The following PHF20 variants were observed in gnomAD, a reference collection of about 807,000 sequenced individuals.
PHF20 encodes glioma-expressed antigen 2.
PHF20 carries 23 observed loss-of-function variants against 113.5 expected under a neutral mutation model. The observed-to-expected ratio is 0.20, with a 90% confidence interval of 0.15 to 0.29. The LOEUF is 0.29. PHF20 is among the 10% of genes least tolerant of loss of function. PHF20 has a pLI of 1.00. For missense variants in PHF20, 943 were observed against 1,219.6 expected (o/e 0.77, Z 3.38); for synonymous variants, 434 against 457.3 (o/e 0.95, Z 0.65).
At chr20:35,773,443 C>G (rs1033815940) in intron 1 of PHF20, among the ~76,000 whole-genome samples, 1 of 152,156 alleles carries the variant, frequency 6.6e-6, no homozygotes, top group Non-Finnish European at 1.5e-5. Flanking sequence ...TTGTTCAGCA[C>G]GGCACTTTTC....
chr20:35,788,959 G>C (rs987572446), intron 1 of PHF20, among the ~76,000 whole-genome samples: 2 of 152,164 alleles, frequency 1.3e-5, no homozygotes, highest in Non-Finnish European at 2.9e-5. Flanking sequence ...GGAGTTAATT[G>C]CCTCTTGGGA....
intron 2 of PHF20, among the ~76,000 whole-genome samples, chr20:35,802,665 C>T (rs1000472105): frequency 2.4e-4 from 37 of 151,912 alleles, no homozygotes; most frequent in South Asian, 2.1e-4. Flanking sequence ...TGGCTGGGCG[C>T]GGTGGCTCAC....
chr20:35,793,961 C>T (rs574956308), intron 1 of PHF20, among the ~76,000 whole-genome samples: 8 of 131,548 alleles, frequency 6.1e-5, no homozygotes, highest in East Asian at 4.6e-4. Flanking sequence ...GCACCTTGCA[C>T]GCTGGGCTGG....
intron 17 of PHF20, among the ~76,000 whole-genome samples, chr20:35,946,575 C>T (rs2056087227): frequency 6.6e-6 from 1 of 151,790 alleles, no homozygotes; most frequent in African/African-American, 2.4e-5. Flanking sequence ...TTTCAAGACC[C>T]TATAGATTTT....
At chr20:35,943,644 G>A (rs1163860230) in intron 17 of PHF20, among the ~76,000 whole-genome samples, 5 of 151,532 alleles carry the variant, frequency 3.3e-5, no homozygotes, top group South Asian at 2.1e-4. Flanking sequence ...TTTTTGAGAC[G>A]GAGTCTCGGT....
chr20:35,798,441 T>TTTTTC (rs200435871), intron 1 of PHF20, among the ~76,000 whole-genome samples: 2 of 151,810 alleles, frequency 1.3e-5, no homozygotes, highest in Non-Finnish European at 2.9e-5. Context: ...CATATGAGTT[T>TTTTTC]TTTTCTTTTC....
intron 9 of PHF20, among the ~76,000 whole-genome samples, chr20:35,876,980 G>A (rs185023948): frequency 1.1e-3 from 170 of 151,810 alleles, no homozygotes; most frequent in African/African-American, 3.9e-3. Context: ...GGTGGCTGGC[G>A]CCTGTAGTCC....
At chr20:35,914,850 G>A (rs1600927605) in intron 12 of PHF20, among the ~76,000 whole-genome samples, 1 of 151,116 alleles carries the variant, frequency 6.6e-6, no homozygotes, top group East Asian at 1.9e-4. Context: ...TGTAATCCCA[G>A]CTACTCGGGA....
chr20:35,871,944 T>C, intron 9 of PHF20, 115 bp downstream of exon 9: 1 of 684,206 alleles, frequency 1.5e-6, no homozygotes, highest in Non-Finnish European at 2.3e-6. Flanking sequence ...TTATTAATAT[T>C]CCCTTATCAT....
chr20:35,852,595 A>C (rs1474586950), intron 4 of PHF20, among the ~76,000 whole-genome samples: 1 of 151,550 alleles, frequency 6.6e-6, no homozygotes, highest in African/African-American at 2.4e-5. Flanking sequence ...TAAGGACTTC[A>C]AGAAAACTTT....
At chr20:35,791,459 ATCTATCTATCTATCT>A (rs1320035569) in intron 1 of PHF20, among the ~76,000 whole-genome samples, 8 of 135,406 alleles carry the variant, frequency 5.9e-5, no homozygotes, top group Middle Eastern at 4.0e-3. Context: ...CTATCTATCT[ATCTATCTATCTATCT>A]ATCTATCTAT....
chr20:35,854,472 C>T (rs1363669966), intron 4 of PHF20, among the ~76,000 whole-genome samples: 1 of 152,274 alleles, frequency 6.6e-6, no homozygotes, highest in Non-Finnish European at 1.5e-5. Flanking sequence ...TATTAGCTAC[C>T]TACGGGAGGA....
chr20:35,791,090 C>T (rs918005231), intron 1 of PHF20, among the ~76,000 whole-genome samples: 1 of 152,132 alleles, frequency 6.6e-6, no homozygotes, highest in Non-Finnish European at 1.5e-5. Context: ...AACTCCTGAC[C>T]TTGTGATCCA....
chr20:35,805,022 C>T (rs1459424026), intron 2 of PHF20, among the ~76,000 whole-genome samples: 5 of 151,224 alleles, frequency 3.3e-5, no homozygotes, highest in South Asian at 4.2e-4. Context: ...GTGCCTCAGC[C>T]TCCTGAGTAT....
At chr20:35,836,566 C>T (rs998315471) in intron 2 of PHF20, among the ~76,000 whole-genome samples, 21 of 151,956 alleles carry the variant, frequency 1.4e-4, no homozygotes, top group African/African-American at 2.9e-4. Context: ...TTTAATTTGC[C>T]GGGCGCAGTG....
At chr20:35,849,951 C>G (rs1250573031) in intron 4 of PHF20, among the ~76,000 whole-genome samples, 5 of 152,074 alleles carry the variant, frequency 3.3e-5, no homozygotes, top group African/African-American at 9.7e-5. Flanking sequence ...GGACTGTAGC[C>G]AGAGTGTGGA....
chr20:35,904,060 C>CTCT (rs11473231), intron 10 of PHF20, among the ~76,000 whole-genome samples: 39,260 of 151,770 alleles, frequency 0.26, 6,064 homozygotes, highest in African/African-American at 0.44. Context: ...ATGCTCTTAT[C>CTCT]AGGGTGGAAT....
rs889861803 is a variant in PHF20 at position 35,923,706 on chromosome 20, A to T, written c.2005-4074A>T. Reference sequence around the variant, plus strand: ...GCAAATGTATTGTTTCCTTTTAAAAATTTTTTGGTAAAATACACATAACAT... The same window carrying T: ...GCAAATGTATTGTTTCCTTTTAAAATTTTTTTGGTAAAATACACATAACAT... On this transcript the variant is annotated intron_variant, in intron 13 of 17. Transcript: ENST00000374012. Among the ~76,000 whole-genome samples the T allele has an allele frequency of 4.9e-4, 75 of 152,124 alleles. 1 individual carries two copies. The highest frequency in any genetic ancestry group is 1.7e-3 in the African/African-American group (69 of 41,432).
intron 2 of PHF20, among the ~76,000 whole-genome samples, chr20:35,816,451 A>G (rs1266594777): frequency 6.6e-6 from 1 of 151,170 alleles, no homozygotes; most frequent in Non-Finnish European, 1.5e-5. Flanking sequence ...ACTTTTTTTA[A>G]GTTTTTTTTT....
Sources: gnomAD v4.1 joint callset for allele counts (sites outside exome capture counted in the v4.1 genomes callset) on GRCh38, gnomAD v4.1.1 for gene constraint, MANE v1.5 for transcripts, NCBI Gene and HGNC (gene_info 2026-07-23, HGNC 2026-07-21) for gene names.